SUGP1: variants seen among roughly 807,000 people sequenced by gnomAD.
SUGP1 encodes SURP and G-patch domain-containing protein 1.
Under a neutral mutation model 76.5 loss-of-function variants are expected in SUGP1, and 34 were observed. The observed-to-expected ratio is 0.44, with a 90% confidence interval of 0.34 to 0.59. The LOEUF is 0.59. Ranked by LOEUF, SUGP1 falls within the 20% of genes least tolerant of loss-of-function variation. The probability of loss-of-function intolerance (pLI) is 0.01; values close to 1 mark genes in which losing one functional copy is unlikely to be tolerated. For synonymous variants in SUGP1, 326 were observed against 326.2 expected (o/e 1.00, Z 0.01); for missense variants, 752 against 851.7 (o/e 0.88, Z 1.46).
At chr19:19,319,163 A>C (rs539654228) in intron 1 of SUGP1, among the ~76,000 whole-genome samples, 1 of 152,252 alleles carries the variant, frequency 6.6e-6, no homozygotes, top group South Asian at 2.1e-4. Context: ...TAGAGGTTGC[A>C]GTCAGCCGAC....
chr19:19,294,962 T>C (rs2061213988), intron 8 of SUGP1, among the ~76,000 whole-genome samples: 1 of 152,136 alleles, frequency 6.6e-6, no homozygotes, highest in South Asian at 2.1e-4. Context: ...CCAGAATCTA[T>C]AAAAGAGAAC....
In SUGP1 at chr19:19,306,972, G is replaced by T. The variant is rs142670581; in HGVS notation, c.311-896C>A. On this transcript the variant is annotated intron_variant, in intron 3 of 13. Transcript: ENST00000247001. ...GGTGGGGAGCAGCATCATGAAATTG[G>T]CCAGCTCACCACCCTGAGAGCAGGA... Among the ~76,000 whole-genome samples the T allele has an allele frequency of 1.4e-3, 219 of 152,278 alleles. 1 individual carries two copies. Among genetic ancestry groups the T allele is most frequent in the African/African-American group, 5.0e-3 (208 of 41,572 alleles).
intron 2 of SUGP1, among the ~76,000 whole-genome samples, chr19:19,314,629 G>C (rs1260606840): frequency 6.6e-6 from 1 of 152,212 alleles, no homozygotes; most frequent in Non-Finnish European, 1.5e-5. Flanking sequence ...TCACTCAGGA[G>C]GGACCAGGAA....
At chr19:19,316,661 G>A (rs2061396371) in intron 1 of SUGP1, 68 bp from the exon 2 acceptor site, 1 of 1,546,368 alleles carries the variant, frequency 6.5e-7, no homozygotes, top group African/African-American at 1.4e-5. Flanking sequence ...AGCTGTGACA[G>A]GCCAGAGAGC....
rs1212994638 is a variant in SUGP1 at position 19,277,019 on chromosome 19, G to T, written c.1839C>A (p.Ser613=). 3.1e-6 allele frequency: 5 copies of T among 1,612,804 alleles called. No individual in the cohort carries two copies. The South Asian group carries it at 5.5e-5, about 18-fold the overall frequency. Residue 613 remains serine, a synonymous_variant, in exon 13 of 14, where the codon TCC becomes TCA. Transcript: ENST00000247001. ...ACGCCTCATACTCGTCGTCCTCCTT[G>T]GAGAGCTCCGCCGGCCGGTCAATGC... ...GFGIDRPAEL[S]KEDDEYEAFR... is the part of the protein sequence containing the mutation.
At chr19:19,319,457 G>A (rs772689696) in intron 1 of SUGP1, among the ~76,000 whole-genome samples, 1 of 151,706 alleles carries the variant, frequency 6.6e-6, no homozygotes, top group Non-Finnish European at 1.5e-5. Context: ...CCTGGGCCAG[G>A]TGTGGTGGCT....
rs968387677 is a variant in SUGP1 at position 19,288,782 on chromosome 19, CTCTTTTTTTT to C, written c.1243+8197_1243+8206del. On this transcript the variant is annotated intron_variant, in intron 8 of 13. Coordinates refer to ENST00000247001, the MANE Select transcript of SUGP1 (RefSeq NM_172231.4). ...AAAAAAAAGTTTATATTCAGATTTT[CTCTTTTTTTT>C]TCTTTTTTTGTGAGACGGAGTCTTG... is the stretch of plus-strand genomic sequence containing the variant. Among the ~76,000 whole-genome samples, 8 of 152,062 alleles carry C rather than the reference CTCTTTTTTTT, an allele frequency of 5.3e-5. No individual in the cohort carries two copies. The South Asian group carries it at 1.0e-3, about 20-fold the overall frequency.
At chr19:19,278,821 G>C in intron 10 of SUGP1, 25 bp from the exon 11 acceptor site, 1 of 1,601,010 alleles carries the variant, frequency 6.2e-7, no homozygotes, top group Non-Finnish European at 8.5e-7. Context: ...AGAAAGGTGA[G>C]AAGAGGGAGA....
chr19:19,316,808 C>A (rs1201559335), intron 1 of SUGP1, among the ~76,000 whole-genome samples: 1 of 152,104 alleles, frequency 6.6e-6, no homozygotes, highest in Non-Finnish European at 1.5e-5. Context: ...ACGTGGGACT[C>A]GCTTCAGGCT....
chr19:19,308,057 C>T (rs73001020), intron 3 of SUGP1, among the ~76,000 whole-genome samples: 3,129 of 152,218 alleles, frequency 0.021, 47 homozygotes, highest in Non-Finnish European at 0.033. Context: ...GAGATGGAGT[C>T]TTGCTCTGTC....
intron 7 of SUGP1, among the ~76,000 whole-genome samples, chr19:19,299,468 G>A (rs1203520142): frequency 6.6e-6 from 1 of 151,960 alleles, no homozygotes; most frequent in Non-Finnish European, 1.5e-5. Flanking sequence ...CGCCTCCCGG[G>A]TTCAGGCAAT....
At chr19:19,281,153 G>A (rs1225868955) in intron 8 of SUGP1, 5 of 152,298 alleles carry the variant, frequency 3.3e-5, no homozygotes, top group Non-Finnish European at 7.3e-5. Context: ...GATTGCCTTA[G>A]AGCATGCCCA....
rs756388171 is a variant in SUGP1, at chr19:19,297,216, G to A, written c.1016C>T (p.Pro339Leu). 163 of 1,601,440 alleles carry A rather than the reference G, an allele frequency of 1.0e-4. 1 individual carries two copies. Among genetic ancestry groups the A allele is most frequent in the Non-Finnish European group, 1.3e-4 (153 of 1,170,386 alleles). Residue 339 changes from proline to leucine, a missense_variant, in exon 8 of 14, where the codon CCT (proline) becomes CTT (leucine). Transcript: ENST00000247001. ...APDPGLKRKS[P>L]PEALSGSLPP... ...TAAGGACCCTGACAGGGCCTCAGGA[G>A]GGGACTTGCGCTTCAGGCCGGGATC...
intron 4 of SUGP1, among the ~76,000 whole-genome samples, chr19:19,304,952 T>C (rs1428559889): frequency 6.6e-6 from 1 of 152,186 alleles, no homozygotes; most frequent in African/African-American, 2.4e-5. Flanking sequence ...GGTGCGTTTC[T>C]GAGGCCATGC....
Position 19,297,282 on chromosome 19 carries a change from C to T in SUGP1, c.950G>A (p.Arg317Gln), listed in dbSNP as rs763715807. 1.5e-5 allele frequency: 24 copies of T among 1,553,224 alleles called. No homozygotes were observed. The highest frequency in any genetic ancestry group is 7.2e-5 in the South Asian group (6 of 83,324). ...KYYRQKLEEFRKAKASSTGSF... is the reference protein window; with the variant it reads ...KYYRQKLEEFQKAKASSTGSF... ...GCCTGTGGAGCTGGCCTTGGCTTTC[C>T]GGAACTCCTCCAGCTTCTGTCGGTA... is the stretch of plus-strand genomic sequence containing the variant. Residue 317 changes from arginine to glutamine, a missense_variant, in exon 8 of 14, where the codon CGG (arginine) becomes CAG (glutamine). By Grantham distance (43) the Arg-to-Gln change is conservative (BLOSUM62 1). Transcript: ENST00000247001.
At chr19:19,284,877 T>C (rs1177711817) in intron 8 of SUGP1, among the ~76,000 whole-genome samples, 1 of 136,398 alleles carries the variant, frequency 7.3e-6, no homozygotes, top group Admixed American at 7.5e-5. Context: ...ACAGGTTTGT[T>C]TTTTTTTTTT....
rs2061286661 is a variant in SUGP1, at chr19:19,303,342, A to G, written c.763+6T>C. On this transcript the variant is annotated splice_donor_region_variant and intron_variant, in intron 6 of 13. Transcript: ENST00000247001. ...CCAGAATCTCCCACCCGCTCCGTCCACCTACCTTTCTGAGAGGCTGCCTGC... is the reference window on the plus strand; with the variant it reads ...CCAGAATCTCCCACCCGCTCCGTCCGCCTACCTTTCTGAGAGGCTGCCTGC... 1.2e-6 allele frequency: 2 copies of G among 1,613,490 alleles called. No individual in the cohort carries two copies. Among genetic ancestry groups the G allele is most frequent in the Non-Finnish European group, 1.7e-6 (2 of 1,179,484 alleles).
At chr19:19,320,296 G>C (rs953935059) in intron 1 of SUGP1, among the ~76,000 whole-genome samples, 167 bp downstream of exon 1, 4 of 152,182 alleles carry the variant, frequency 2.6e-5, no homozygotes, top group African/African-American at 9.7e-5. Flanking sequence ...CAGCAACCTG[G>C]GTCTGGGGTC....
rs1332096294 is a variant in SUGP1 at position 19,278,900 on chromosome 19, G to T, written c.1529-104C>A. On this transcript the variant is annotated intron_variant, in intron 10 of 13. Coordinates refer to ENST00000247001, the MANE Select transcript of SUGP1 (RefSeq NM_172231.4). ...GTATGAGGCTCAGTGGGAGCCTGGG[G>T]CCCCCAGGGAAGGAGGCGGCTAGGC... is the stretch of plus-strand genomic sequence containing the variant. The T allele has an allele frequency of 7.9e-6, 10 of 1,264,204 alleles. No homozygotes were observed. The Admixed American group carries it at 1.2e-4, about 16-fold the overall frequency. The allele number at this position is 1,264,204 out of a possible 1,614,324, so 78.3% of individuals were successfully genotyped here.
Sources: gnomAD v4.1 joint callset for allele counts (sites outside exome capture counted in the v4.1 genomes callset) on GRCh38, gnomAD v4.1.1 for gene constraint, MANE v1.5 for transcripts, NCBI Gene and HGNC (gene_info 2026-07-23, HGNC 2026-07-21) for gene names.